The following LLGL2 variants were observed in gnomAD, a reference collection of about 807,000 sequenced individuals.
The protein encoded by LLGL2 is LLGL scribble cell polarity complex component 2, also known as LLGL2, scribble cell polarity complex component.
A neutral mutation model predicts 123.2 loss-of-function variants in LLGL2; 81 were observed. The ratio of observed to expected loss-of-function variants is 0.66; its 90% CI spans 0.55 to 0.79. The LOEUF (loss-of-function observed/expected upper bound fraction) is 0.79. Among genes scored for constraint, LLGL2 ranks in the 30% least tolerant of loss-of-function variants. The probability of loss-of-function intolerance (pLI) is 0.00; values close to 1 mark genes in which losing one functional copy is unlikely to be tolerated. For synonymous variants in LLGL2, 577 were observed against 594.1 expected, an observed-to-expected ratio of 0.97 and a Z score of 0.42; for missense variants, 1,273 against 1,414.6, an observed-to-expected ratio of 0.90 and a Z score of 1.61.
rs970969955 is a variant in LLGL2 at position 75,558,184 on chromosome 17, G to C, written c.203G>C (p.Gly68Ala). ...LYGAPGVEFM[G>A]LHQENNAVTQ... is the part of the protein sequence containing the mutation. ...GGAGCCCCAGGCGTGGAGTTCATGG[G>C]GCTGCACCAGGAGAACAACGCTGTG... Residue 68 changes from glycine to alanine, a missense_variant, in exon 4 of 26, where the codon GGG becomes GCG. By Grantham distance (60) the Gly-to-Ala change is moderately conservative. Coordinates refer to ENST00000392550, the MANE Select transcript of LLGL2 (RefSeq NM_001031803.2). The surrounding 1 kb of genome is among the most constrained non-coding windows in gnomAD (Gnocchi z 4.0). 3 of 1,613,790 alleles carry C rather than the reference G, an allele frequency of 1.9e-6. No homozygotes were observed. In the South Asian group the frequency reaches 3.3e-5, roughly 18 times the overall value.
chr17:75,547,820 G>C (rs1479547645), intron 2 of LLGL2, among the ~76,000 whole-genome samples: 1 of 111,220 alleles, frequency 9.0e-6, no homozygotes, highest in African/African-American at 4.5e-5. Flanking sequence ...GTGAGACCCT[G>C]TCTCAAAAAA....
intron 1 of LLGL2, among the ~76,000 whole-genome samples, chr17:75,529,841 CAG>C (rs1340135035): frequency 1.3e-5 from 2 of 151,950 alleles, no homozygotes. Context: ...AGCCTGGTGA[CAG>C]AGCAAGACTC....
chr17:75,572,515 ATTAG>A lies in LLGL2; in HGVS notation c.2460+456_2460+459del, dbSNP rs1374803750. ...CGTCTCTACAAACAAATGCAAAAAA[ATTAG>A]TTAGGCGTGGTGGCGGGCACCTGTA... is the stretch of plus-strand genomic sequence containing the variant. On this transcript the variant is annotated intron_variant, in intron 19 of 25. Coordinates refer to ENST00000392550, the MANE Select transcript of LLGL2 (RefSeq NM_001031803.2). Among the ~76,000 whole-genome samples the A allele has an allele frequency of 2.0e-5, 3 of 152,242 alleles. No individual in the cohort carries two copies. In the South Asian group the frequency reaches 6.2e-4, roughly 32 times the overall value.
In LLGL2 at chr17:75,574,071, G is replaced by A. The variant is rs1440156835; in HGVS notation, c.2905+91G>A. 3.2e-6 allele frequency: 5 copies of A among 1,549,752 alleles called. No homozygotes were observed. The Admixed American group carries it at 7.9e-5, about 24-fold the overall frequency. ...GGAGGGAAGGGTCCCGAGTGAGCAG[G>A]TAGTGTTTGGGCTGGGAATAGAGAC... is the stretch of plus-strand genomic sequence containing the variant. On this transcript the variant is annotated intron_variant, in intron 22 of 25. Coordinates refer to ENST00000392550, the MANE Select transcript of LLGL2 (RefSeq NM_001031803.2).
chr17:75,545,888 T>C (rs1568032124), intron 2 of LLGL2, among the ~76,000 whole-genome samples: 1 of 152,032 alleles, frequency 6.6e-6, no homozygotes, highest in Non-Finnish European at 1.5e-5. Flanking sequence ...CACTCACAGA[T>C]GATATTTGAG....
intron 2 of LLGL2, among the ~76,000 whole-genome samples, chr17:75,547,698 G>A (rs1467298915): frequency 1.3e-5 from 2 of 152,088 alleles, no homozygotes; most frequent in Non-Finnish European, 2.9e-5. Context: ...GGTGGCACAC[G>A]CCTGTAGTCT....
At chr17:75,539,907 T>C (rs372236976) in intron 1 of LLGL2, among the ~76,000 whole-genome samples, 177 of 152,236 alleles carry the variant, frequency 1.2e-3, no homozygotes, top group African/African-American at 4.2e-3. Context: ...CTGCGGCTGG[T>C]TGGAAATCAT....
rs1473935947 is a variant in LLGL2, at chr17:75,544,453, T to A, written c.75+952T>A. Among the ~76,000 whole-genome samples the A allele has an allele frequency of 6.6e-6, 1 of 152,186 alleles. No homozygotes were observed. The highest frequency in any genetic ancestry group is 1.5e-5 in the Non-Finnish European group (1 of 68,020). ...TGTCTCCCTGTGGAGAATGAGGAAG[T>A]CTCTTTGGTTGTATTTTTGTTATTG... On this transcript the variant is annotated intron_variant, in intron 2 of 25. Coordinates refer to ENST00000392550, the MANE Select transcript of LLGL2 (RefSeq NM_001031803.2). The surrounding 1 kb of genome is among the most constrained non-coding windows in gnomAD (Gnocchi z 4.2).
intron 1 of LLGL2, chr17:75,532,472 G>C (rs1312259574): frequency 6.6e-6 from 1 of 152,188 alleles, no homozygotes; most frequent in African/African-American, 2.4e-5. Flanking sequence ...CGCCCAGGCA[G>C]CAGTGCAGTG....
chr17:75,528,092 A>C (rs1377407561), intron 1 of LLGL2, among the ~76,000 whole-genome samples: 3 of 150,748 alleles, frequency 2.0e-5, no homozygotes. Context: ...CCGTTAGTAT[A>C]AATAACTTTT....
At chr17:75,548,051 T>C (rs528105744) in intron 2 of LLGL2, among the ~76,000 whole-genome samples, 8 of 152,204 alleles carry the variant, frequency 5.3e-5, no homozygotes, top group Non-Finnish European at 1.2e-4. Context: ...AGTGCCAACA[T>C]GACACTGAAA....
At chr17:75,540,677 C>A (rs1487118982) in intron 1 of LLGL2, among the ~76,000 whole-genome samples, 1 of 152,220 alleles carries the variant, frequency 6.6e-6, no homozygotes, top group Non-Finnish European at 1.5e-5. Context: ...CACTGCTACC[C>A]ACAGCCCTTC....
chr17:75,563,348 G>C lies in LLGL2; in HGVS notation c.711G>C (p.Trp237Cys). 1 of 1,612,744 alleles carries C rather than the reference G, an allele frequency of 6.2e-7. No homozygotes were observed. Among genetic ancestry groups the C allele is most frequent in the Non-Finnish European group, 8.5e-7 (1 of 1,179,924 alleles). Residue 237 changes from tryptophan to cysteine, a missense_variant, in exon 8 of 26, where the codon TGG (tryptophan) becomes TGC (cysteine). Coordinates refer to ENST00000392550, the MANE Select transcript of LLGL2 (RefSeq NM_001031803.2). ...CTCCATAGCAACTGGAGAACATCTG[G>C]TGGCAGCGGGACGGCCGCCTGCTCG... is the stretch of plus-strand genomic sequence containing the variant. Reference protein sequence around the residue: ...FLSSQQLENIWWQRDGRLLVS... With the variant: ...FLSSQQLENICWQRDGRLLVS...
intron 10 of LLGL2, among the ~76,000 whole-genome samples, chr17:75,566,071 C>CTG (rs768909655): frequency 3.9e-5 from 6 of 152,222 alleles, no homozygotes; most frequent in Non-Finnish European, 7.3e-5. Context: ...TTTGCGCAGA[C>CTG]ACGGAAGCAG....
chr17:75,525,015 C>T (rs919196353), upstream of LLGL2: 7 of 157,752 alleles, frequency 4.4e-5, no homozygotes, highest in Non-Finnish European at 7.0e-5. This position sits in a 1 kb window ranked among gnomAD's most constrained non-coding sequence, Gnocchi z 4.8. Context: ...CAGCGGGGTG[C>T]GGGTGGCGAG....
chr17:75,528,005 T>C (rs1313481157), intron 1 of LLGL2, among the ~76,000 whole-genome samples: 1 of 152,122 alleles, frequency 6.6e-6, no homozygotes, highest in Non-Finnish European at 1.5e-5. Flanking sequence ...CCCAGGCTAG[T>C]CTTGAACTCC....
chr17:75,557,734 T>G (rs1286390976), intron 3 of LLGL2: 1 of 326,448 alleles, frequency 3.1e-6, no homozygotes. Context: ...ACAGCCAGAC[T>G]CTAGTTACCA....
chr17:75,526,405 A>T (rs1404748909), intron 1 of LLGL2, among the ~76,000 whole-genome samples: 1 of 152,232 alleles, frequency 6.6e-6, no homozygotes, highest in East Asian at 1.9e-4. Context: ...GACAGTGCGG[A>T]GACCCAGTCT....
intron 3 of LLGL2, among the ~76,000 whole-genome samples, chr17:75,556,414 C>T (rs564468961): frequency 3.8e-4 from 58 of 152,260 alleles, no homozygotes; most frequent in African/African-American, 1.3e-3. Flanking sequence ...GAGATACAGG[C>T]TTATTTTGTC....
Sources: gnomAD v4.1 joint callset for allele counts (sites outside exome capture counted in the v4.1 genomes callset) on GRCh38, gnomAD v4.1.1 for gene constraint, Gnocchi (gnomAD v3.1) non-coding constraint, MANE v1.5 for transcripts, NCBI Gene and HGNC (gene_info 2026-07-23, HGNC 2026-07-21) for gene names.